ZMYND11: variants seen among roughly 807,000 people sequenced by gnomAD.
ZMYND11 encodes zinc finger MYND domain-containing protein 11.
Under a neutral mutation model 84.9 loss-of-function variants are expected in ZMYND11, and 9 were observed. The ratio of observed to expected loss-of-function variants is 0.11; its 90% CI spans 0.06 to 0.18. ZMYND11 has a LOEUF of 0.18. Among genes scored for constraint, ZMYND11 ranks in the 10% least tolerant of loss-of-function variants. ZMYND11 has a pLI of 1.00. For synonymous variants in ZMYND11, 250 were observed against 244.1 expected (o/e 1.02, Z -0.23); for missense variants, 409 against 761.0 (o/e 0.54, Z 5.44).
intron 1 of ZMYND11, among the ~76,000 whole-genome samples, chr10:175,473 G>A (rs1251713566): frequency 1.6e-4 from 25 of 152,166 alleles, no homozygotes; most frequent in Non-Finnish European, 3.1e-4. Context: ...GGAGGCTGAT[G>A]CAGGAGAATC....
chr10:179,214 A>G (rs114872010), intron 1 of ZMYND11, among the ~76,000 whole-genome samples: 26 of 152,272 alleles, frequency 1.7e-4, no homozygotes, highest in African/African-American at 6.3e-4. Flanking sequence ...TCTCTGTGAT[A>G]CCACTGCTCT....
chr10:184,458 A>G (rs1234560467), intron 2 of ZMYND11, among the ~76,000 whole-genome samples: 2 of 151,882 alleles, frequency 1.3e-5, no homozygotes, highest in African/African-American at 2.4e-5. Flanking sequence ...ATGTAACATT[A>G]TCTGGTGTAT....
intron 2 of ZMYND11, among the ~76,000 whole-genome samples, chr10:187,457 A>G (rs1242426084): frequency 1.3e-5 from 2 of 151,304 alleles, no homozygotes; most frequent in Non-Finnish European, 2.9e-5. Flanking sequence ...ACACGGTGAA[A>G]CCCCGTCTCT....
chr10:167,135 A>C (rs2131581225), intron 1 of ZMYND11, among the ~76,000 whole-genome samples: 1 of 152,234 alleles, frequency 6.6e-6, no homozygotes, highest in African/African-American at 2.4e-5. Context: ...TGGGGTGATA[A>C]AAATGTTTTA....
At chr10:154,117 TTCA>T (rs1416045271) in intron 1 of ZMYND11, among the ~76,000 whole-genome samples, 1 of 152,214 alleles carries the variant, frequency 6.6e-6, no homozygotes, top group African/African-American at 2.4e-5. Context: ...TTTCTATAAC[TTCA>T]TCACATGCTA....
At chr10:239,280 T>C (rs1261300256) in intron 6 of ZMYND11, among the ~76,000 whole-genome samples, 158 bp from the exon 7 acceptor site, 1 of 152,224 alleles carries the variant, frequency 6.6e-6, no homozygotes, top group Non-Finnish European at 1.5e-5. Context: ...GCAGGTGGCG[T>C]TGTTGGCTTC....
intron 12 of ZMYND11, among the ~76,000 whole-genome samples, 159 bp downstream of exon 12, chr10:247,625 GTC>G (rs1420289929): frequency 6.6e-6 from 1 of 152,170 alleles, no homozygotes. Context: ...GTTGAAACCA[GTC>G]TTCTGACTTC....
At chr10:216,634 C>A (rs992519593) in intron 3 of ZMYND11, among the ~76,000 whole-genome samples, 1 of 152,082 alleles carries the variant, frequency 6.6e-6, no homozygotes, top group African/African-American at 2.4e-5. Context: ...AGTGAATTAT[C>A]GGTGATTATT....
chr10:237,015 A>C, intron 5 of ZMYND11, 100 bp downstream of exon 5: 1 of 1,151,456 alleles, frequency 8.7e-7, no homozygotes, highest in East Asian at 2.6e-5. Flanking sequence ...AAATATGTAC[A>C]TAGCAATATG....
At chr10:248,208 AT>A in intron 12 of ZMYND11, 127 bp from the exon 13 acceptor site, 4 of 1,256,474 alleles carry the variant, frequency 3.2e-6, no homozygotes, top group South Asian at 1.6e-5. Flanking sequence ...CCCTAACTAC[AT>A]TTTTCAACAG....
At chr10:171,105 A>G (rs992054654) in intron 1 of ZMYND11, among the ~76,000 whole-genome samples, 5 of 152,192 alleles carry the variant, frequency 3.3e-5, no homozygotes, top group African/African-American at 9.6e-5. Flanking sequence ...AAAGGAGTCA[A>G]TATTCTAAGA....
At chr10:238,181 G>A (rs930907122) in intron 6 of ZMYND11, among the ~76,000 whole-genome samples, 10 of 152,146 alleles carry the variant, frequency 6.6e-5, no homozygotes, top group African/African-American at 1.7e-4. Context: ...GTTTGTTCAC[G>A]TCCAGTAACA....
intron 3 of ZMYND11, among the ~76,000 whole-genome samples, chr10:220,613 A>C (rs1438252669): frequency 1.3e-5 from 2 of 152,142 alleles, no homozygotes; most frequent in Non-Finnish European, 2.9e-5. Flanking sequence ...TCACAGTTTC[A>C]ATTTATTTTT....
chr10:153,791 T>C (rs1840989983), intron 1 of ZMYND11, among the ~76,000 whole-genome samples: 1 of 152,222 alleles, frequency 6.6e-6, no homozygotes, highest in East Asian at 1.9e-4. Context: ...GATGGGTTTA[T>C]TTGCCAGTGT....
chr10:148,285 T>C (rs1378823033), intron 1 of ZMYND11: 3 of 146,794 alleles, frequency 2.0e-5, no homozygotes, highest in Non-Finnish European at 4.6e-5. Flanking sequence ...CTTCCTTTGC[T>C]CTGGGAAGAA....
intron 2 of ZMYND11, among the ~76,000 whole-genome samples, chr10:191,623 A>G (rs1249932975): frequency 6.6e-6 from 1 of 152,240 alleles, no homozygotes; most frequent in Non-Finnish European, 1.5e-5. Context: ...TCTTTGTTCC[A>G]TGCAATTTTG....
chr10:204,269 T>C (rs1345236339), intron 2 of ZMYND11, among the ~76,000 whole-genome samples: 1 of 152,224 alleles, frequency 6.6e-6, no homozygotes, highest in Non-Finnish European at 1.5e-5. Context: ...CCACTTTTAC[T>C]GTAATGAAAA....
intron 1 of ZMYND11, among the ~76,000 whole-genome samples, chr10:165,446 T>C (rs1025846629): frequency 6.6e-6 from 1 of 152,112 alleles, no homozygotes; most frequent in Non-Finnish European, 1.5e-5. Flanking sequence ...TATCCCCAGC[T>C]CACTAGCTCT....
At chr10:212,270 A>G (rs1407997387) in intron 3 of ZMYND11, among the ~76,000 whole-genome samples, 1 of 151,932 alleles carries the variant, frequency 6.6e-6, no homozygotes, top group African/African-American at 2.4e-5. Flanking sequence ...TTTTATTTTT[A>G]TATGTTGTTC....
Sources: gnomAD v4.1 joint callset for allele counts (sites outside exome capture counted in the v4.1 genomes callset) on GRCh38, gnomAD v4.1.1 for gene constraint, MANE v1.5 for transcripts, NCBI Gene and HGNC (gene_info 2026-07-23, HGNC 2026-07-21) for gene names.